RHOU: variants seen among roughly 807,000 people sequenced by gnomAD.
The protein encoded by RHOU is rho-related GTP-binding protein RhoU.
Under a neutral mutation model 12.6 loss-of-function variants are expected in RHOU, and 8 were observed. The ratio of observed to expected loss-of-function variants is 0.64; its 90% confidence interval spans 0.37 to 1.15. The LOEUF (loss-of-function observed/expected upper bound fraction) is 1.15, where lower values mean the gene tolerates loss of function less well. RHOU is among the 50% of genes most tolerant of loss of function. The probability of loss-of-function intolerance (pLI) is 0.01; values close to 1 mark genes in which losing one functional copy is unlikely to be tolerated. For synonymous variants in RHOU, 161 were observed against 147.4 expected (o/e 1.09, Z -0.67); for missense variants, 258 against 347.0 (o/e 0.74, Z 2.04).
the RHOU span, chr1:228,648,001 C>T: frequency 2.8e-4 from 42 of 152,328 alleles, no homozygotes; most frequent in African/African-American, 9.9e-4. Flanking sequence ...TCAGAGGAGA[C>T]CGGACGCCTT....
At chr1:228,664,827 T>TA in the RHOU span, among the ~76,000 whole-genome samples, 1 of 152,014 alleles carries the variant, frequency 6.6e-6, no homozygotes, top group Admixed American at 6.6e-5. Flanking sequence ...AGAGATGGGG[T>TA]TTCACCATGT....
the RHOU span, among the ~76,000 whole-genome samples, chr1:228,655,897 T>C: frequency 1.3e-5 from 2 of 152,288 alleles, no homozygotes; most frequent in African/African-American, 4.8e-5. Context: ...ATAAAAACTA[T>C]CACACGAAAG....
the RHOU span, among the ~76,000 whole-genome samples, chr1:228,703,252 C>T: frequency 9.9e-5 from 15 of 152,206 alleles, no homozygotes; most frequent in South Asian, 2.1e-4. Flanking sequence ...TGGGGCCAGG[C>T]GCGGCGTCTC....
At chr1:228,724,868 TTA>T in the RHOU span, among the ~76,000 whole-genome samples, 1 of 152,160 alleles carries the variant, frequency 6.6e-6, no homozygotes, top group East Asian at 1.9e-4. Flanking sequence ...GTCTCCACCC[TTA>T]TAGATAGTAA....
chr1:228,710,495 C>G, the RHOU span, among the ~76,000 whole-genome samples: 3 of 151,440 alleles, frequency 2.0e-5, no homozygotes, highest in Non-Finnish European at 4.4e-5. Flanking sequence ...GGGATGCAAG[C>G]CTGGTTCAAT....
chr1:228,715,180 C>T, the RHOU span, among the ~76,000 whole-genome samples: 3 of 150,840 alleles, frequency 2.0e-5, no homozygotes, highest in South Asian at 6.3e-4. Context: ...GCTTTCTGAG[C>T]TGGGAATTTA....
the RHOU span, among the ~76,000 whole-genome samples, chr1:228,724,340 T>A: frequency 1.6e-4 from 24 of 152,322 alleles, no homozygotes; most frequent in Admixed American, 1.4e-3. Flanking sequence ...TATTCAGGTA[T>A]AACTGATAAA....
At chr1:228,697,007 TC>T in the RHOU span, among the ~76,000 whole-genome samples, 3 of 152,184 alleles carry the variant, frequency 2.0e-5, no homozygotes, top group African/African-American at 7.2e-5. Context: ...GTCTACATAT[TC>T]CTGGTGTCAG....
At chr1:228,726,956 T>C in the RHOU span, among the ~76,000 whole-genome samples, 3 of 152,342 alleles carry the variant, frequency 2.0e-5, no homozygotes, top group African/African-American at 7.2e-5. Flanking sequence ...CATCCAGAAG[T>C]CTGTGCTAAG....
the RHOU span, among the ~76,000 whole-genome samples, chr1:228,724,639 C>G: frequency 1.3e-5 from 2 of 152,160 alleles, no homozygotes; most frequent in Admixed American, 6.5e-5. Flanking sequence ...TTAAGAGCTA[C>G]TCTTTTAGCC....
At chr1:228,689,129 C>T in the RHOU span, among the ~76,000 whole-genome samples, 2 of 152,218 alleles carry the variant, frequency 1.3e-5, no homozygotes, top group Non-Finnish European at 2.9e-5. Context: ...ATAACCCACA[C>T]ATTTGGAGCT....
At chr1:228,660,359 A>T in the RHOU span, among the ~76,000 whole-genome samples, 11 of 152,036 alleles carry the variant, frequency 7.2e-5, no homozygotes, top group Admixed American at 4.6e-4. Context: ...AAAAATAAAA[A>T]AAAAAAAAGC....
At chr1:228,657,162 A>G in the RHOU span, among the ~76,000 whole-genome samples, 1 of 151,734 alleles carries the variant, frequency 6.6e-6, no homozygotes, top group African/African-American at 2.4e-5. Flanking sequence ...CTGTAATCCC[A>G]GCTCCTGGGG....
the RHOU span, among the ~76,000 whole-genome samples, chr1:228,708,018 C>A: frequency 6.6e-6 from 1 of 151,952 alleles, no homozygotes; most frequent in Non-Finnish European, 1.5e-5. Context: ...AATGCAGAAG[C>A]CTCAGGAGCT....
At chr1:228,712,695 G>A in the RHOU span, among the ~76,000 whole-genome samples, 8 of 149,036 alleles carry the variant, frequency 5.4e-5, no homozygotes, top group Non-Finnish European at 1.0e-4. Flanking sequence ...AGCATTGGGA[G>A]ATATACCTAA....
chr1:228,687,419 C>G, the RHOU span: 2 of 1,286,564 alleles, frequency 1.6e-6, no homozygotes, highest in Non-Finnish European at 2.2e-6. Context: ...CATGCACTGC[C>G]TTGAAGAACT....
At chr1:228,648,640 C>T in the RHOU span, among the ~76,000 whole-genome samples, 25 of 152,080 alleles carry the variant, frequency 1.6e-4, no homozygotes, top group African/African-American at 6.0e-4. Context: ...TAATTTGATT[C>T]TGAACTCGGT....
chr1:228,694,620 A>G, the RHOU span, among the ~76,000 whole-genome samples: 2 of 151,980 alleles, frequency 1.3e-5, no homozygotes, highest in Non-Finnish European at 2.9e-5. Context: ...ATGGCTTCCA[A>G]CTCCATTCAC....
the RHOU span, among the ~76,000 whole-genome samples, chr1:228,708,681 C>T: frequency 6.6e-6 from 1 of 152,062 alleles, no homozygotes; most frequent in African/African-American, 2.4e-5. Flanking sequence ...AAAGGAACAA[C>T]CGGTACCAGC....
Sources: allele counts gnomAD v4.1 joint callset (sites outside exome capture counted in the v4.1 genomes callset), GRCh38; gene constraint gnomAD v4.1.1; transcripts MANE v1.5; gene names NCBI Gene and HGNC (gene_info 2026-07-23, HGNC 2026-07-21).